SEPTIN9: variants seen among roughly 807,000 people sequenced by gnomAD.
SEPTIN9 encodes septin 9.
Under a neutral mutation model 56.6 loss-of-function variants are expected in SEPTIN9, and 13 were observed. The ratio of observed to expected loss-of-function variants is 0.23; its 90% CI spans 0.15 to 0.37. The LOEUF (loss-of-function observed/expected upper bound fraction) is 0.37. SEPTIN9 is among the 10% of genes least tolerant of loss of function. The pLI is 1.00. For missense variants in SEPTIN9, 650 were observed against 823.1 expected, an observed-to-expected ratio of 0.79 and a Z score of 2.57; for synonymous variants, 332 against 334.1, an observed-to-expected ratio of 0.99 and a Z score of 0.07.
At chr17:77,338,528 C>T (rs950806080) in intron 2 of SEPTIN9, among the ~76,000 whole-genome samples, 3 of 151,786 alleles carry the variant, frequency 2.0e-5, no homozygotes, top group African/African-American at 7.3e-5. Context: ...AAGCAATTCT[C>T]CTGCCTCAGC....
Position 77,456,318 on chromosome 17 carries a change from G to A in SEPTIN9, c.722-25826G>A, listed in dbSNP as rs2038201622. 1 of 152,328 alleles carries A rather than the reference G, an allele frequency of 6.6e-6. No homozygotes were observed. Among genetic ancestry groups the A allele is most frequent in the African/African-American group, 2.4e-5 (1 of 41,406 alleles). 9.4% of individuals were successfully genotyped at this position (152,328 alleles called of 1,614,324 possible). On this transcript the variant is annotated intron_variant, in intron 3 of 11. Coordinates refer to ENST00000427177, the MANE Select transcript of SEPTIN9 (RefSeq NM_001113491.2). The surrounding 1 kb of genome is among the most constrained non-coding windows in gnomAD (Gnocchi z 6.0). ...ACGCCACACGAGGAGCAGGTGTGGTGTGCGTCCTCCTGCGGGTTCTCCACC... is the reference window on the plus strand; with the variant it reads ...ACGCCACACGAGGAGCAGGTGTGGTATGCGTCCTCCTGCGGGTTCTCCACC...
rs2039865628 is a variant in SEPTIN9, at chr17:77,487,928, A to G, written c.1043-312A>G. On this transcript the variant is annotated intron_variant, in intron 5 of 11. Coordinates refer to ENST00000427177, the MANE Select transcript of SEPTIN9 (RefSeq NM_001113491.2). This position sits in a 1 kb window ranked among gnomAD's most constrained non-coding sequence, Gnocchi z 4.3. ...CCCAAGACGGGGACTCGCTGTGCCCACCATCCCCAGCATGTTGAGCATGTT... is the reference window on the plus strand; with the variant it reads ...CCCAAGACGGGGACTCGCTGTGCCCGCCATCCCCAGCATGTTGAGCATGTT... Among the ~76,000 whole-genome samples the G allele has an allele frequency of 6.6e-6, 1 of 152,120 alleles. No homozygotes were observed. Among genetic ancestry groups the G allele is most frequent in the South Asian group, 2.1e-4 (1 of 4,832 alleles).
In SEPTIN9 at chr17:77,323,632, G is replaced by A. The variant is rs188659987; in HGVS notation, c.76+16435G>A. 641 of 152,694 alleles carry A rather than the reference G, an allele frequency of 4.2e-3. 5 individuals carry two copies. The highest frequency in any genetic ancestry group is 6.0e-3 in the Non-Finnish European group (408 of 68,342). The allele number at this position is 152,694 out of a possible 1,614,324, so 9.5% of individuals were successfully genotyped here. A position where few individuals can be genotyped will look rare whatever the true frequency, so the allele number is the denominator to read the frequency against. On this transcript the variant is annotated intron_variant, in intron 2 of 11. Coordinates refer to ENST00000427177, the MANE Select transcript of SEPTIN9 (RefSeq NM_001113491.2). This position sits in a 1 kb window ranked among gnomAD's most constrained non-coding sequence, Gnocchi z 6.8. ...CCAGCTCCTCTTACGGGGTTCCTGG[G>A]TCATCAGTGGGCGGGGAACCGAGGC...
chr17:77,463,956 T>C (rs535059177), intron 3 of SEPTIN9, among the ~76,000 whole-genome samples: 5 of 152,230 alleles, frequency 3.3e-5, no homozygotes, highest in African/African-American at 4.8e-5. Context: ...TTGTTCTTGA[T>C]CAGTTGTTGG....
At chr17:77,331,287 C>A (rs960735127) in intron 2 of SEPTIN9, among the ~76,000 whole-genome samples, 1 of 152,196 alleles carries the variant, frequency 6.6e-6, no homozygotes, top group Admixed American at 6.5e-5. Context: ...TGTCCTGGGC[C>A]TATGTCACTG....
intron 2 of SEPTIN9, among the ~76,000 whole-genome samples, chr17:77,379,054 C>T (rs188080469): frequency 6.6e-6 from 1 of 152,234 alleles, no homozygotes; most frequent in East Asian, 1.9e-4. Context: ...CTGCCCTGAA[C>T]ATTCTCATCC....
At chr17:77,473,964 A>T (rs1361734172) in intron 3 of SEPTIN9, among the ~76,000 whole-genome samples, 1 of 152,180 alleles carries the variant, frequency 6.6e-6, no homozygotes, top group Admixed American at 6.5e-5. Flanking sequence ...AGGTCTGCTC[A>T]CCTCTGCACG....
At chr17:77,419,507 C>T (rs2036621464) in intron 3 of SEPTIN9, among the ~76,000 whole-genome samples, 1 of 152,142 alleles carries the variant, frequency 6.6e-6, no homozygotes, top group South Asian at 2.1e-4. Context: ...GGGACCCCAG[C>T]GCTGTACCTG....
Position 77,306,349 on chromosome 17 carries a change from C to T in SEPTIN9, c.20-792C>T, listed in dbSNP as rs138117661. Among the ~76,000 whole-genome samples, 1,142 of 152,288 alleles carry T rather than the reference C, an allele frequency of 7.5e-3. 12 individuals carry two copies. The highest frequency in any genetic ancestry group is 0.034 in the South Asian group (162 of 4,834). On this transcript the variant is annotated intron_variant, in intron 1 of 11. Coordinates refer to ENST00000427177, the MANE Select transcript of SEPTIN9 (RefSeq NM_001113491.2). ...TGCCCAGGGGACATCCCCAGAGTGC[C>T]GTGCTCTACAGCAATAGGGTGGCCG...
chr17:77,299,234 A>G (rs1203646318), intron 1 of SEPTIN9, among the ~76,000 whole-genome samples: 1 of 152,192 alleles, frequency 6.6e-6, no homozygotes, highest in Non-Finnish European at 1.5e-5. Context: ...AGGGAGCTAA[A>G]GGCCAGGCTT....
At chr17:77,467,616 C>G (rs1185135449) in intron 3 of SEPTIN9, among the ~76,000 whole-genome samples, 1 of 152,236 alleles carries the variant, frequency 6.6e-6, no homozygotes, top group Non-Finnish European at 1.5e-5. Flanking sequence ...GGAAGCCCAT[C>G]CATCCTTCCG....
chr17:77,396,326 C>G (rs1598305662), intron 2 of SEPTIN9, among the ~76,000 whole-genome samples: 1 of 152,212 alleles, frequency 6.6e-6, no homozygotes, highest in Admixed American at 6.5e-5. Context: ...CGGTGCTCCT[C>G]CCTGCTGCGT....
chr17:77,417,220 G>A (rs7222532), intron 3 of SEPTIN9, among the ~76,000 whole-genome samples: 1 of 152,064 alleles, frequency 6.6e-6, no homozygotes, highest in South Asian at 2.1e-4. Flanking sequence ...ATTACCAAAC[G>A]AGGCACACAA....
intron 1 of SEPTIN9, among the ~76,000 whole-genome samples, chr17:77,298,913 A>G (rs563784811): frequency 8.1e-4 from 123 of 152,306 alleles, no homozygotes; most frequent in African/African-American, 2.8e-3. Context: ...TTCTGGGCTC[A>G]AGTGATTCTC....
chr17:77,359,478 C>T (rs149757504), intron 2 of SEPTIN9, among the ~76,000 whole-genome samples: 1 of 152,322 alleles, frequency 6.6e-6, no homozygotes, highest in Non-Finnish European at 1.5e-5. Flanking sequence ...CATCCTGGAG[C>T]TGGAACAGAC....
intron 2 of SEPTIN9, chr17:77,373,388 G>C: frequency 1.6e-6 from 2 of 1,244,132 alleles, no homozygotes; most frequent in Non-Finnish European, 2.0e-6. Context: ...GGCTAGCTCT[G>C]CACTGCAGGA....
In SEPTIN9 at chr17:77,434,854, A is replaced by G. The variant is rs1292109384; in HGVS notation, c.721+32151A>G. 6.6e-6 allele frequency among the ~76,000 whole-genome samples: 1 copy of G among 152,082 alleles called. No homozygotes were observed. ...AGGGTAGCCAGTCGCTGGAACTAAGAGTGAACTTCAGCTGTTGTTGCCATA... is the reference window on the plus strand; with the variant it reads ...AGGGTAGCCAGTCGCTGGAACTAAGGGTGAACTTCAGCTGTTGTTGCCATA... On this transcript the variant is annotated intron_variant, in intron 3 of 11. Transcript: ENST00000427177. This position sits in a 1 kb window ranked among gnomAD's most constrained non-coding sequence, Gnocchi z 5.0.
intron 1 of SEPTIN9, among the ~76,000 whole-genome samples, chr17:77,298,339 T>C (rs867967187): frequency 6.6e-6 from 1 of 152,206 alleles, no homozygotes; most frequent in South Asian, 2.1e-4. Context: ...ACCAGGTCAA[T>C]GTAGTGAGAG....
At chr17:77,292,091 TC>T (rs1226798571) in intron 1 of SEPTIN9, among the ~76,000 whole-genome samples, 1 of 152,144 alleles carries the variant, frequency 6.6e-6, no homozygotes, top group Non-Finnish European at 1.5e-5. Flanking sequence ...CCCCATCTCT[TC>T]CTCGGCCCCT....
Sources: allele counts gnomAD v4.1 joint callset (sites outside exome capture counted in the v4.1 genomes callset), GRCh38; gene constraint gnomAD v4.1.1; non-coding constraint Gnocchi (gnomAD v3.1); transcripts MANE v1.5; gene names NCBI Gene and HGNC (gene_info 2026-07-23, HGNC 2026-07-21).